The following COL11A1 variants were observed in gnomAD, a reference collection of about 807,000 sequenced individuals.
COL11A1 encodes the protein collagen alpha-1(XI) chain.
COL11A1 carries 74 observed loss-of-function variants against 265.2 expected under a neutral mutation model. The ratio of observed to expected loss-of-function variants is 0.28; its 90% CI spans 0.23 to 0.34. The LOEUF (loss-of-function observed/expected upper bound fraction) is 0.34, where lower values mean the gene tolerates loss of function less well. Ranked by LOEUF, COL11A1 falls within the 10% of genes least tolerant of loss-of-function variation. The probability of loss-of-function intolerance (pLI) is 1.00; values close to 1 mark genes in which losing one functional copy is unlikely to be tolerated. For missense variants in COL11A1, 2,165 were observed against 2,263.6 expected (o/e 0.96, Z 0.88); for synonymous variants, 816 against 727.6 (o/e 1.12, Z -1.96).
intron 1 of COL11A1, among the ~76,000 whole-genome samples, chr1:103,088,939 A>G (rs1255787238): frequency 1.3e-5 from 2 of 152,142 alleles, no homozygotes; most frequent in Non-Finnish European, 2.9e-5. Context: ...CACTGCCACA[A>G]ACTCCAAGAG....
At chr1:102,970,559 G>T (rs1365467174) in intron 36 of COL11A1, among the ~76,000 whole-genome samples, 1 of 152,064 alleles carries the variant, frequency 6.6e-6, no homozygotes, top group African/African-American at 2.4e-5. Context: ...GCAAAGGTTT[G>T]TATTTTCGTT....
intron 1 of COL11A1, among the ~76,000 whole-genome samples, chr1:103,088,239 C>T (rs1471387274): frequency 6.6e-6 from 1 of 152,162 alleles, no homozygotes; most frequent in African/African-American, 2.4e-5. Context: ...TTCTTAAGTC[C>T]ACCTCTGCCT....
At chr1:102,995,804 T>A (rs556657214) in intron 28 of COL11A1, 60 bp downstream of exon 28, 1 of 1,368,154 alleles carries the variant, frequency 7.3e-7, no homozygotes, top group African/African-American at 1.4e-5. Flanking sequence ...GTCTGTTGAA[T>A]AAATTTAAAT....
intron 4 of COL11A1, among the ~76,000 whole-genome samples, chr1:103,040,840 C>T (rs1468723338): frequency 1.3e-5 from 2 of 151,476 alleles, no homozygotes; most frequent in African/African-American, 4.8e-5. Flanking sequence ...ATATTCAAAA[C>T]ATATAATTTC....
intron 58 of COL11A1, among the ~76,000 whole-genome samples, chr1:102,890,160 A>G (rs1363035970): frequency 6.6e-6 from 1 of 152,126 alleles, no homozygotes; most frequent in Non-Finnish European, 1.5e-5. Context: ...TTTGTTATTC[A>G]GTCTGTTTAT....
intron 57 of COL11A1, among the ~76,000 whole-genome samples, chr1:102,894,501 T>C (rs1652158241): frequency 6.7e-6 from 1 of 149,198 alleles, no homozygotes; most frequent in Non-Finnish European, 1.5e-5. Context: ...GCCACTGCAC[T>C]CCAGCCCCGG....
chr1:102,928,276 G>T (rs1173355856), intron 46 of COL11A1, among the ~76,000 whole-genome samples: 1 of 144,466 alleles, frequency 6.9e-6, no homozygotes, highest in Non-Finnish European at 1.5e-5. Context: ...ACAGTCCCCA[G>T]AGTGTGATAT....
chr1:102,929,189 T>C (rs1342443997), intron 46 of COL11A1, among the ~76,000 whole-genome samples: 104 of 132,474 alleles, frequency 7.9e-4, no homozygotes, highest in Middle Eastern at 3.9e-3. Context: ...TGAATGGTAA[T>C]GCCTAGGTTT....
In COL11A1 at chr1:102,998,318, C is replaced by T; in HGVS notation, c.2188G>A (p.Gly730Arg). Residue 730 changes from glycine to arginine, a missense_variant, in exon 25 of 67, where the codon GGG becomes AGG. Gly to Arg is a moderately radical substitution (Grantham distance 125). Transcript: ENST00000370096. ...PGLAGLPGAD[G>R]PPGHPGKEGQ... ...AGGTAGCTGTTACTTACAGGAGGCC[C>T]ATCAGCACCAGGAAGTCCAGCAAGT... 6.2e-7 allele frequency: 1 copy of T among 1,606,480 alleles called. No homozygotes were observed. Among genetic ancestry groups the T allele is most frequent in the Non-Finnish European group, 8.5e-7 (1 of 1,175,750 alleles).
intron 37 of COL11A1, 105 bp downstream of exon 37, chr1:102,970,114 T>C (rs1661817789): frequency 3.8e-6 from 3 of 782,138 alleles, no homozygotes; most frequent in African/African-American, 1.7e-5. Flanking sequence ...TTTCCATTTT[T>C]CTCAACCTAG....
chr1:102,889,696 C>T (rs1403922671), intron 58 of COL11A1, 134 bp from the exon 59 acceptor site: 1 of 699,010 alleles, frequency 1.4e-6, no homozygotes, highest in Non-Finnish European at 2.5e-6. Flanking sequence ...TTAAAATACC[C>T]TTCTGAATGA....
chr1:102,933,811 G>A (rs577295303), intron 46 of COL11A1, among the ~76,000 whole-genome samples: 11 of 152,256 alleles, frequency 7.2e-5, no homozygotes, highest in Non-Finnish European at 8.8e-5. Flanking sequence ...TTTTTAAGCC[G>A]GTCGGAAAAG....
rs192848068 is a variant in COL11A1, at chr1:102,919,739, A to T, written c.3762+572T>A. The stretch of plus-strand genomic sequence containing the variant: ...TAAATGAAATCATGTTCACAAGAAA[A>T]AAAAAGCTATTCTGAGCCCAGATAT... On this transcript the variant is annotated intron_variant, in intron 49 of 66. Coordinates refer to ENST00000370096, the MANE Select transcript of COL11A1 (RefSeq NM_001854.4). Among the ~76,000 whole-genome samples, 14 of 152,186 alleles carry T rather than the reference A, an allele frequency of 9.2e-5. No homozygotes were observed. In the East Asian group the frequency reaches 1.2e-3, roughly 13 times the overall value.
In COL11A1 at chr1:103,015,682, T is replaced by C. The variant is rs1434967428; in HGVS notation, c.1474A>G (p.Met492Val). 3 of 1,607,682 alleles carry C rather than the reference T, an allele frequency of 1.9e-6. No individual in the cohort carries two copies. The highest frequency in any genetic ancestry group is 2.2e-5 in the East Asian group (1 of 44,640). ...AAAGAACATACCGGTAACATCAACA[T>C]AGTACCAGGAGGACCAGGTAGACCA... ...ADGLPGPPGT[M>V]LMLPFRYGGD... The change falls in exon 12 of 67, where the codon ATG becomes GTG. Residue 492 changes from methionine to valine, a missense_variant. Physicochemically the swap from Met to Val is conservative, Grantham distance 21. Transcript: ENST00000370096.
chr1:103,080,565 A>G (rs1415354), intron 2 of COL11A1, among the ~76,000 whole-genome samples: 20,908 of 151,884 alleles, frequency 0.14, 1,600 homozygotes, highest in Non-Finnish European at 0.16. Context: ...GGTATATGAA[A>G]AAAATGCTCA....
chr1:103,034,505 C>A (rs1668213535), intron 4 of COL11A1, among the ~76,000 whole-genome samples: 1 of 151,992 alleles, frequency 6.6e-6, no homozygotes, highest in Non-Finnish European at 1.5e-5. Context: ...GTATGTTATA[C>A]TTTTCAACTA....
chr1:103,040,577 C>A (rs1210544561), intron 4 of COL11A1, among the ~76,000 whole-genome samples: 2 of 151,452 alleles, frequency 1.3e-5, no homozygotes, highest in Non-Finnish European at 3.0e-5. Context: ...AAATGATTAA[C>A]ATTTAAAATG....
chr1:103,023,126 C>A, intron 7 of COL11A1, 130 bp from the exon 8 acceptor site: 1 of 881,224 alleles, frequency 1.1e-6, no homozygotes, highest in South Asian at 1.4e-5. Flanking sequence ...CAACTCTAAA[C>A]ACCTGGAAAG....
At position 102,912,173 on chromosome 1, in the gene COL11A1, G is replaced by A. The variant is rs2101016676; in HGVS notation, c.4072C>T (p.Pro1358Ser). The stretch of plus-strand genomic sequence containing the variant: ...AAGAAACTTACTCGTTTTCCAGGAG[G>A]ACCTGGTGGGCCAGCCTCACCAGAT... ...GPSGEAGPPG[P>S]PGKRGPPGAA... Residue 1358 changes from proline to serine, a missense_variant, in exon 54 of 67, where the codon CCT (proline) becomes TCT (serine). By Grantham distance (74) the Pro-to-Ser change is moderately conservative. Transcript: ENST00000370096. 6.2e-7 allele frequency: 1 copy of A among 1,611,290 alleles called. No homozygotes were observed.
Sources: gnomAD v4.1 joint callset for allele counts (sites outside exome capture counted in the v4.1 genomes callset) on GRCh38, gnomAD v4.1.1 for gene constraint, MANE v1.5 for transcripts, NCBI Gene and HGNC (gene_info 2026-07-23, HGNC 2026-07-21) for gene names.